The following PDE4D variants were observed in gnomAD, a reference collection of about 807,000 sequenced individuals.
The protein encoded by PDE4D is 3',5'-cyclic-AMP phosphodiesterase 4D.
A neutral mutation model predicts 87.4 loss-of-function variants in PDE4D; 24 were observed. The observed-to-expected ratio is 0.27, with a 90% CI of 0.20 to 0.39. The LOEUF (loss-of-function observed/expected upper bound fraction) is 0.39. PDE4D is among the 10% of genes least tolerant of loss of function. The pLI is 1.00. For synonymous variants in PDE4D, 384 were observed against 383.2 expected, an observed-to-expected ratio of 1.00 and a Z score of -0.02; for missense variants, 714 against 1,041.0, an observed-to-expected ratio of 0.69 and a Z score of 4.32.
intron 5 of PDE4D, among the ~76,000 whole-genome samples, chr5:59,140,981 A>G (rs1164448464): frequency 6.6e-6 from 1 of 152,222 alleles, no homozygotes; most frequent in South Asian, 2.1e-4. Flanking sequence ...ATCAGGAATG[A>G]TCTTCTATTT....
At chr5:60,377,353 A>T (rs1181462244) in intron 1 of PDE4D, among the ~76,000 whole-genome samples, 1 of 152,204 alleles carries the variant, frequency 6.6e-6, no homozygotes, top group Non-Finnish European at 1.5e-5. Context: ...CAACTGGCCC[A>T]TTTGGGGTAA....
intron 2 of PDE4D, among the ~76,000 whole-genome samples, chr5:59,991,764 A>G (rs1217603040): frequency 6.6e-6 from 1 of 152,166 alleles, no homozygotes; most frequent in Non-Finnish European, 1.5e-5. Flanking sequence ...GTACTTATGT[A>G]CTTAGGAAGT....
chr5:59,217,382 G>A lies in PDE4D; in HGVS notation c.456-1414C>T, dbSNP rs79005475. ...AAAACATTCCTTTATTTTCTTTATCGGAGTCATTAATAAATAGAGTTATGA... is the reference window on the plus strand; with the variant it reads ...AAAACATTCCTTTATTTTCTTTATCAGAGTCATTAATAAATAGAGTTATGA... On this transcript the variant is annotated intron_variant, in intron 1 of 14. Coordinates refer to ENST00000340635, the MANE Select transcript of PDE4D (RefSeq NM_001104631.2). 3,089 of 421,296 alleles carry A rather than the reference G, an allele frequency of 7.3e-3. 26 individuals are homozygous for A. Among genetic ancestry groups the A allele is most frequent in the Non-Finnish European group, 0.01 (2,174 of 212,748 alleles). The allele number at this position is 421,296 out of a possible 1,614,324, so 26.1% of individuals were successfully genotyped here.
chr5:60,172,360 T>A (rs971706058), intron 2 of PDE4D, among the ~76,000 whole-genome samples: 1 of 150,996 alleles, frequency 6.6e-6, no homozygotes, highest in Non-Finnish European at 1.5e-5. Flanking sequence ...AACAAAACCA[T>A]CTCCCCACAT....
chr5:60,323,241 C>T (rs1379207101), intron 1 of PDE4D, among the ~76,000 whole-genome samples: 1 of 152,152 alleles, frequency 6.6e-6, no homozygotes, highest in Non-Finnish European at 1.5e-5. Context: ...TAAGTGTCTA[C>T]TTGATGTTTC....
At chr5:59,464,966 G>C (rs898393117) in intron 1 of PDE4D, among the ~76,000 whole-genome samples, 4 of 152,202 alleles carry the variant, frequency 2.6e-5, no homozygotes, top group African/African-American at 9.6e-5. Flanking sequence ...AACCTGGTTA[G>C]CAGGATATTT....
chr5:58,975,577 C>G lies in PDE4D; in HGVS notation c.2013+80G>C. On this transcript the variant is annotated intron_variant, in intron 14 of 14. Transcript: ENST00000340635. The surrounding 1 kb of genome is among the most constrained non-coding windows in gnomAD (Gnocchi z 4.2). ...GTAATTTTAAAAATCCAGTAAAATA[C>G]TATCATATGTAATACAAAGTAACCA... 1.8e-6 allele frequency: 2 copies of G among 1,088,290 alleles called. No individual in the cohort carries two copies. The highest frequency in any genetic ancestry group is 2.5e-6 in the Non-Finnish European group (2 of 808,506). The allele number at this position is 1,088,290 out of a possible 1,614,324, so 67.4% of individuals were successfully genotyped here. A position where few individuals can be genotyped will look rare whatever the true frequency, so the allele number is the denominator to read the frequency against.
chr5:58,984,136 C>T (rs1745875066), intron 11 of PDE4D, among the ~76,000 whole-genome samples: 1 of 152,118 alleles, frequency 6.6e-6, no homozygotes, highest in South Asian at 2.1e-4. Context: ...CTGAAATAAA[C>T]ATAAATCTTC....
At chr5:60,487,273 A>G (rs1749220903) in intron 1 of PDE4D, among the ~76,000 whole-genome samples, 1 of 152,178 alleles carries the variant, frequency 6.6e-6, no homozygotes, top group African/African-American at 2.4e-5. Context: ...TTCTTCTGTT[A>G]TGGTTGTGTC....
intron 1 of PDE4D, among the ~76,000 whole-genome samples, chr5:60,456,895 C>A (rs1336300205): frequency 6.6e-6 from 1 of 152,174 alleles, no homozygotes; most frequent in Admixed American, 6.5e-5. Context: ...CACTCTCTAC[C>A]ACCTGATTTT....
At chr5:59,191,047 C>G (rs1414941971) in intron 3 of PDE4D, among the ~76,000 whole-genome samples, 2 of 152,098 alleles carry the variant, frequency 1.3e-5, no homozygotes, top group African/African-American at 4.8e-5. Context: ...ATCAGATATG[C>G]CTATAAATTA....
At chr5:59,275,287 C>T (rs759737729) in intron 1 of PDE4D, 152 of 1,404,892 alleles carry the variant, frequency 1.1e-4, no homozygotes, top group Middle Eastern at 3.5e-4. Flanking sequence ...TCAAGGAGTA[C>T]GTCAATCTTA....
intron 1 of PDE4D, among the ~76,000 whole-genome samples, chr5:59,713,899 A>G (rs540212528): frequency 6.6e-6 from 1 of 152,344 alleles, no homozygotes; most frequent in South Asian, 2.1e-4. Context: ...GGGCACAGGC[A>G]GGGTGCCTGG....
intron 2 of PDE4D, among the ~76,000 whole-genome samples, chr5:60,158,547 A>C (rs972093103): frequency 6.6e-6 from 1 of 152,108 alleles, no homozygotes; most frequent in African/African-American, 2.4e-5. Context: ...CTCTTAAGCT[A>C]TGCTAAATTT....
intron 1 of PDE4D, among the ~76,000 whole-genome samples, chr5:59,565,882 G>A (rs1820801357): frequency 6.6e-6 from 1 of 152,150 alleles, no homozygotes; most frequent in Non-Finnish European, 1.5e-5. Context: ...GTAGTGGGGA[G>A]ACACCAAGAC....
intron 1 of PDE4D, among the ~76,000 whole-genome samples, chr5:59,359,700 AAG>A (rs1781909708): frequency 6.6e-6 from 1 of 152,200 alleles, no homozygotes; most frequent in Admixed American, 6.5e-5. Context: ...ATGGGTATCA[AAG>A]AGTATAAAAG....
At chr5:59,134,047 T>C (rs1776672911) in intron 5 of PDE4D, among the ~76,000 whole-genome samples, 1 of 151,216 alleles carries the variant, frequency 6.6e-6, no homozygotes, top group South Asian at 2.1e-4. Flanking sequence ...TGCATTACCT[T>C]GTACATGGTT....
chr5:59,502,539 A>T (rs933368722), intron 1 of PDE4D, among the ~76,000 whole-genome samples: 15 of 152,086 alleles, frequency 9.9e-5, no homozygotes, highest in South Asian at 6.2e-4. Context: ...ACATAAATTT[A>T]AAAAAAGACA....
intron 1 of PDE4D, among the ~76,000 whole-genome samples, chr5:59,395,007 T>A (rs549902277): frequency 2.0e-5 from 3 of 152,154 alleles, no homozygotes; most frequent in Admixed American, 2.0e-4. Flanking sequence ...CCCACCCGAA[T>A]ACTGCGCTTT....
Sources: allele counts gnomAD v4.1 joint callset (sites outside exome capture counted in the v4.1 genomes callset), GRCh38; gene constraint gnomAD v4.1.1; non-coding constraint Gnocchi (gnomAD v3.1); transcripts MANE v1.5; gene names NCBI Gene and HGNC (gene_info 2026-07-23, HGNC 2026-07-21).